The following CCDC83 variants were observed in gnomAD, a reference collection of about 807,000 sequenced individuals.
CCDC83 encodes coiled-coil domain-containing protein 83.
In CCDC83, 54 loss-of-function variants were observed where a neutral mutation model predicts 50.1. The ratio of observed to expected loss-of-function variants is 1.08; its 90% confidence interval spans 0.87 to 1.35. CCDC83 has a LOEUF of 1.35. Ranked by LOEUF, CCDC83 falls within the 40% of genes most tolerant of loss-of-function variation. CCDC83 has a pLI of 0.00. For missense variants in CCDC83, 518 were observed against 473.9 expected, an observed-to-expected ratio of 1.09 and a Z score of -0.86; for synonymous variants, 161 against 153.3, an observed-to-expected ratio of 1.05 and a Z score of -0.37.
chr11:85,917,166 G>GAGAGAGAGAGAGAGAGAGAGAGAGAA (rs756949334), intron 10 of CCDC83, among the ~76,000 whole-genome samples: 2 of 62,460 alleles, frequency 3.2e-5, no homozygotes, highest in African/African-American at 1.1e-4. Flanking sequence ...GAGAGAGAGA[G>GAGAGAGAGAGAGAGAGAGAGAGAGAA]AGAAAGAAAG....
chr11:85,912,531 C>G lies in CCDC83; in HGVS notation c.794+1129C>G, dbSNP rs2093459275. ...GGTGAGGCTGAATGAGGATTGATTA[C>G]TGAACTCCTGTACTTCCAGTCTCTT... is the stretch of plus-strand genomic sequence containing the variant. On this transcript the variant is annotated intron_variant, in intron 8 of 10. Coordinates refer to ENST00000342404, the MANE Select transcript of CCDC83 (RefSeq NM_001286159.2). The G allele has an allele frequency of 7.1e-6, 5 of 700,298 alleles. No individual in the cohort carries two copies. In the East Asian group the frequency reaches 1.2e-4, roughly 17 times the overall value. The allele number at this position is 700,298 out of a possible 1,614,324, so 43.4% of individuals were successfully genotyped here.
In CCDC83 at chr11:85,917,134, AAGAGAGAGAG is replaced by A. The variant is rs201907138; in HGVS notation, c.1080+927_1080+936del. On this transcript the variant is annotated intron_variant, in intron 10 of 10. Coordinates refer to ENST00000342404, the MANE Select transcript of CCDC83 (RefSeq NM_001286159.2). ...AAGAAAGAAAGAAAAAAGAAAAAGA[AAGAGAGAGAG>A]AGAGAGAGAGAGAGAGAGAGAGAGA... Among the ~76,000 whole-genome samples the A allele has an allele frequency of 5.9e-3, 462 of 77,972 alleles. 23 individuals carry two copies. The East Asian group carries it at 0.094, about 16-fold the overall frequency. 51.2% of individuals were successfully genotyped at this position (77,972 alleles called of 152,430 possible).
In CCDC83 at chr11:85,915,403, T is replaced by C; in HGVS notation, c.795-16T>C. On this transcript the variant is annotated splice_polypyrimidine_tract_variant and intron_variant, in intron 8 of 10. Coordinates refer to ENST00000342404, the MANE Select transcript of CCDC83 (RefSeq NM_001286159.2). Reference sequence around the variant, plus strand: ...TTTATTGACTGACAGATTGTTTTTCTCATTTGTTCTTTTAGGCGACTATAT... The same window carrying C: ...TTTATTGACTGACAGATTGTTTTTCCCATTTGTTCTTTTAGGCGACTATAT... The C allele has an allele frequency of 6.3e-7, 1 of 1,584,736 alleles. No individual in the cohort carries two copies. Among genetic ancestry groups the C allele is most frequent in the Non-Finnish European group, 8.6e-7 (1 of 1,158,470 alleles).
intron 7 of CCDC83, among the ~76,000 whole-genome samples, chr11:85,906,378 A>T (rs2093425865): frequency 6.6e-6 from 1 of 152,272 alleles, no homozygotes; most frequent in Admixed American, 6.5e-5. Context: ...CAATTCACTT[A>T]ATCTCATGAG....
At chr11:85,900,703 C>T (rs1482899927) in intron 7 of CCDC83, among the ~76,000 whole-genome samples, 1 of 152,124 alleles carries the variant, frequency 6.6e-6, no homozygotes, top group Non-Finnish European at 1.5e-5. Context: ...TAAACAATAA[C>T]AACAAAAACA....
At chr11:85,910,339 C>G (rs2093447804) in intron 7 of CCDC83, among the ~76,000 whole-genome samples, 2 of 152,202 alleles carry the variant, frequency 1.3e-5, no homozygotes, top group Non-Finnish European at 2.9e-5. Context: ...AGTGTAATAT[C>G]ATTTCTGCCA....
chr11:85,872,523 C>A (rs1336505147), intron 2 of CCDC83, among the ~76,000 whole-genome samples: 4 of 152,026 alleles, frequency 2.6e-5, no homozygotes, highest in Non-Finnish European at 4.4e-5. Flanking sequence ...AAACCCAGAT[C>A]CACCTGCCAC....
chr11:85,875,959 C>A (rs1459063285), intron 3 of CCDC83, among the ~76,000 whole-genome samples: 1 of 152,210 alleles, frequency 6.6e-6, no homozygotes, highest in Non-Finnish European at 1.5e-5. Context: ...TATTCCACCA[C>A]AACTGCTCTA....
chr11:85,891,142 C>T (rs2093348932), intron 5 of CCDC83, among the ~76,000 whole-genome samples: 1 of 152,196 alleles, frequency 6.6e-6, no homozygotes, highest in Non-Finnish European at 1.5e-5. Flanking sequence ...ACCTGTCCCC[C>T]TTCTCTTCTA....
intron 5 of CCDC83, among the ~76,000 whole-genome samples, chr11:85,894,713 T>C (rs970579065): frequency 6.6e-6 from 1 of 152,192 alleles, no homozygotes; most frequent in African/African-American, 2.4e-5. Context: ...GTGTCTTACA[T>C]ACTGTTTGGC....
At chr11:85,891,183 C>T (rs184938684) in intron 5 of CCDC83, among the ~76,000 whole-genome samples, 6 of 152,324 alleles carry the variant, frequency 3.9e-5, no homozygotes, top group African/African-American at 1.2e-4. Flanking sequence ...GCAGTATTCT[C>T]CAGCCCATTT....
chr11:85,911,497 T>C, intron 8 of CCDC83, 95 bp downstream of exon 8: 1 of 1,083,490 alleles, frequency 9.2e-7, no homozygotes, highest in Non-Finnish European at 1.3e-6. Context: ...ATTTAATTAT[T>C]CAGTGCTCCA....
chr11:85,901,627 G>A (rs1361415174), intron 7 of CCDC83, among the ~76,000 whole-genome samples: 2 of 143,414 alleles, frequency 1.4e-5, no homozygotes. Flanking sequence ...CTCAAAACAG[G>A]GAAGACCACA....
At chr11:85,874,615 A>G (rs1470669240) in intron 3 of CCDC83, among the ~76,000 whole-genome samples, 3 of 152,172 alleles carry the variant, frequency 2.0e-5, no homozygotes, top group African/African-American at 7.2e-5. Flanking sequence ...TTAAACCACC[A>G]TCTCTTACTC....
rs1554986930 is a variant in CCDC83 at position 85,917,205 on chromosome 11, AGAAG to A, written c.1080+976_1080+979del. ...GAAAGAAAGAAAGAGAAAGAAAGAA[AGAAG>A]GAAAGAAAGAAAGAAAGAAAGAAAA... On this transcript the variant is annotated intron_variant, in intron 10 of 10. Coordinates refer to ENST00000342404, the MANE Select transcript of CCDC83 (RefSeq NM_001286159.2). Among the ~76,000 whole-genome samples, 543 of 118,398 alleles carry A rather than the reference AGAAG, an allele frequency of 4.6e-3. 8 individuals are homozygous for A. Among genetic ancestry groups the A allele is most frequent in the African/African-American group, 0.016 (503 of 31,904 alleles). The allele number at this position is 118,398 out of a possible 152,430, so 77.7% of individuals were successfully genotyped here. A position where few individuals can be genotyped will look rare whatever the true frequency, so the allele number is the denominator to read the frequency against.
chr11:85,863,233 T>G (rs1262615875), intron 1 of CCDC83, among the ~76,000 whole-genome samples: 1 of 152,264 alleles, frequency 6.6e-6, no homozygotes, highest in Non-Finnish European at 1.5e-5. Context: ...AAACATTTGT[T>G]AGTATGCTTT....
intron 5 of CCDC83, among the ~76,000 whole-genome samples, chr11:85,889,978 G>T (rs537119300): frequency 6.6e-6 from 1 of 152,336 alleles, no homozygotes; most frequent in Admixed American, 6.5e-5. Context: ...AGAAGTTAGA[G>T]AGGCCAGGAA....
intron 2 of CCDC83, among the ~76,000 whole-genome samples, chr11:85,867,191 G>A (rs564885944): frequency 1.3e-5 from 2 of 152,180 alleles, no homozygotes; most frequent in East Asian, 1.9e-4. Flanking sequence ...GAGTAGCTGG[G>A]AAGACAGGCA....
chr11:85,886,495 G>A (rs2093327644), intron 5 of CCDC83, 128 bp downstream of exon 5: 3 of 682,024 alleles, frequency 4.4e-6, no homozygotes. Context: ...GCAGCTGTGA[G>A]CCTAAGGGTA....
Sources: allele counts gnomAD v4.1 joint callset (sites outside exome capture counted in the v4.1 genomes callset), GRCh38; gene constraint gnomAD v4.1.1; transcripts MANE v1.5; gene names NCBI Gene and HGNC (gene_info 2026-07-23, HGNC 2026-07-21).